Variants in CDH12 observed in about 807,000 individuals in gnomAD.
The protein encoded by CDH12 is cadherin-12.
Under a neutral mutation model 74.1 loss-of-function variants are expected in CDH12, and 41 were observed. The observed-to-expected ratio is 0.55, with a 90% CI of 0.43 to 0.72. The LOEUF (loss-of-function observed/expected upper bound fraction) is 0.72, where lower values mean the gene tolerates loss of function less well. Ranked by LOEUF, CDH12 falls within the 30% of genes least tolerant of loss-of-function variation. The probability of loss-of-function intolerance (pLI) is 0.00; values close to 1 mark genes in which losing one functional copy is unlikely to be tolerated. For missense variants in CDH12, 945 were observed against 977.2 expected (o/e 0.97, Z 0.44); for synonymous variants, 399 against 355.0 (o/e 1.12, Z -1.39).
chr5:22,581,777 T>G (rs1169925779), intron 1 of CDH12, among the ~76,000 whole-genome samples: 2 of 152,192 alleles, frequency 1.3e-5, no homozygotes, highest in Admixed American at 1.3e-4. Context: ...TTCCTTTATA[T>G]GTTACCTGAT....
At chr5:21,818,214 C>G (rs954889446) in intron 8 of CDH12, among the ~76,000 whole-genome samples, 1 of 151,964 alleles carries the variant, frequency 6.6e-6, no homozygotes, top group Non-Finnish European at 1.5e-5. Context: ...TAGAATGGCT[C>G]TTTCCCATGG....
At chr5:22,399,285 A>T (rs1054879064) in intron 3 of CDH12, among the ~76,000 whole-genome samples, 1 of 152,088 alleles carries the variant, frequency 6.6e-6, no homozygotes, top group Non-Finnish European at 1.5e-5. Flanking sequence ...TTTTACACCT[A>T]AGAGATGTAT....
chr5:22,113,495 G>A (rs557667214), intron 4 of CDH12, among the ~76,000 whole-genome samples: 53 of 152,144 alleles, frequency 3.5e-4, no homozygotes, highest in African/African-American at 1.2e-3. Context: ...ATCAGAAAAT[G>A]TTTAAATTTA....
chr5:22,566,195 G>C (rs915756604), intron 1 of CDH12, among the ~76,000 whole-genome samples: 5 of 151,438 alleles, frequency 3.3e-5, no homozygotes, highest in Admixed American at 6.6e-5. Flanking sequence ...TGAGATTCTT[G>C]TACAAAGTCA....
At chr5:22,390,587 T>TAGAC (rs1186539240) in intron 3 of CDH12, among the ~76,000 whole-genome samples, 7 of 140,668 alleles carry the variant, frequency 5.0e-5, no homozygotes, top group Admixed American at 4.8e-4. Flanking sequence ...GATAGATAGA[T>TAGAC]AGATAGATAG....
chr5:22,028,476 CAG>C (rs1255324742), intron 5 of CDH12, among the ~76,000 whole-genome samples: 1 of 152,150 alleles, frequency 6.6e-6, no homozygotes, highest in Non-Finnish European at 1.5e-5. Flanking sequence ...AACGGACAAA[CAG>C]AGAGCCAAAT....
intron 10 of CDH12, among the ~76,000 whole-genome samples, chr5:21,796,850 A>C (rs922847316): frequency 6.6e-6 from 1 of 152,076 alleles, no homozygotes; most frequent in Non-Finnish European, 1.5e-5. Flanking sequence ...TAACTTTCTA[A>C]ACTCAAGAAC....
intron 2 of CDH12, among the ~76,000 whole-genome samples, chr5:22,435,418 A>G (rs1458952017): frequency 6.6e-6 from 1 of 151,612 alleles, no homozygotes; most frequent in African/African-American, 2.4e-5. Context: ...ACACATATAT[A>G]TGTGTGTATA....
intron 3 of CDH12, among the ~76,000 whole-genome samples, chr5:22,343,180 G>A (rs1179043785): frequency 1.3e-5 from 2 of 151,258 alleles, no homozygotes; most frequent in Non-Finnish European, 2.9e-5. Flanking sequence ...AAAGTAGAAC[G>A]TAGACTAACA....
chr5:22,490,571 A>C (rs890822600), intron 2 of CDH12, among the ~76,000 whole-genome samples: 10 of 152,126 alleles, frequency 6.6e-5, no homozygotes, highest in Non-Finnish European at 1.0e-4. Context: ...TGAAAATGAA[A>C]AAAAAAAATA....
At chr5:22,726,299 T>C (rs1038140950) in intron 1 of CDH12, among the ~76,000 whole-genome samples, 1 of 151,816 alleles carries the variant, frequency 6.6e-6, no homozygotes, top group African/African-American at 2.4e-5. Flanking sequence ...ATATGTTATA[T>C]GGCCTTTTCA....
chr5:22,109,599 G>A lies in CDH12; in HGVS notation c.-186-30737C>T, dbSNP rs749966866. The stretch of plus-strand genomic sequence containing the variant: ...TAAGCTGTTAGCTCACAAGCAGGCT[G>A]ACATCTTAAGCACTTTACAGTCCTT... On this transcript the variant is annotated intron_variant, in intron 4 of 14. Transcript: ENST00000382254. Among the ~76,000 whole-genome samples the A allele has an allele frequency of 9.2e-5, 14 of 152,200 alleles. 1 individual carries two copies. The highest frequency in any genetic ancestry group is 4.6e-4 in the Admixed American group (7 of 15,270).
intron 3 of CDH12, among the ~76,000 whole-genome samples, chr5:22,401,166 T>C (rs920308536): frequency 2.6e-5 from 4 of 152,178 alleles, no homozygotes; most frequent in African/African-American, 7.2e-5. Context: ...TCTGATTCTT[T>C]CGGACACCAT....
At chr5:22,278,471 A>G (rs1370139596) in intron 3 of CDH12, among the ~76,000 whole-genome samples, 3 of 152,186 alleles carry the variant, frequency 2.0e-5, no homozygotes, top group African/African-American at 4.8e-5. Context: ...TACACAAATG[A>G]CAAGATACAA....
At chr5:22,300,963 TG>T (rs1262748570) in intron 3 of CDH12, among the ~76,000 whole-genome samples, 6 of 152,302 alleles carry the variant, frequency 3.9e-5, no homozygotes, top group African/African-American at 1.4e-4. Context: ...AAGTATAAAA[TG>T]GATTAATATT....
At chr5:22,610,718 T>C (rs982093900) in intron 1 of CDH12, among the ~76,000 whole-genome samples, 3 of 152,200 alleles carry the variant, frequency 2.0e-5, no homozygotes, top group South Asian at 2.1e-4. Flanking sequence ...CATTGTAGTC[T>C]TCACATATTT....
chr5:22,265,997 C>A (rs1482832698), intron 3 of CDH12, among the ~76,000 whole-genome samples: 6 of 151,862 alleles, frequency 4.0e-5, no homozygotes, highest in Admixed American at 6.6e-5. Context: ...TTACATCTCC[C>A]ATTAAATATG....
chr5:22,263,338 T>C (rs188381905), intron 3 of CDH12, among the ~76,000 whole-genome samples: 34 of 151,454 alleles, frequency 2.2e-4, no homozygotes, highest in Non-Finnish European at 4.1e-4. Context: ...ACAGAAAAAA[T>C]AAAAATAAAG....
intron 1 of CDH12, among the ~76,000 whole-genome samples, chr5:22,646,666 C>T (rs1447185700): frequency 6.6e-6 from 1 of 151,824 alleles, no homozygotes; most frequent in Non-Finnish European, 1.5e-5. Context: ...AACAACAACA[C>T]CAACAATGAA....
Sources: gnomAD v4.1 joint callset for allele counts (sites outside exome capture counted in the v4.1 genomes callset) on GRCh38, gnomAD v4.1.1 for gene constraint, MANE v1.5 for transcripts, NCBI Gene and HGNC (gene_info 2026-07-23, HGNC 2026-07-21) for gene names.